SEMA3A: variants seen among roughly 807,000 people sequenced by gnomAD.
SEMA3A encodes the protein semaphorin 3A.
SEMA3A carries 29 observed loss-of-function variants against 97.9 expected under a neutral mutation model. The observed-to-expected ratio is 0.30, with a 90% CI of 0.22 to 0.40. SEMA3A has a LOEUF of 0.40. Ranked by LOEUF, SEMA3A falls within the 10% of genes least tolerant of loss-of-function variation. The pLI is 1.00. For synonymous variants in SEMA3A, 321 were observed against 323.7 expected (o/e 0.99, Z 0.09); for missense variants, 763 against 951.3 (o/e 0.80, Z 2.60).
At chr7:84,479,738 G>C in intron 1 of SEMA3A, among the ~76,000 whole-genome samples, 1 of 151,946 alleles carries the variant, frequency 6.6e-6, no homozygotes, top group East Asian at 1.9e-4. Flanking sequence ...GTGAATATAC[G>C]TCAATGACAC....
intron 3 of SEMA3A, among the ~76,000 whole-genome samples, chr7:84,305,460 T>TTA (rs112647477): frequency 0.018 from 2,693 of 152,098 alleles, 82 homozygotes; most frequent in African/African-American, 0.062. Context: ...GCTAAATATT[T>TTA]TGAGTTTTCA....
At chr7:84,378,839 G>GT (rs1272381257) in intron 1 of SEMA3A, among the ~76,000 whole-genome samples, 2 of 151,214 alleles carry the variant, frequency 1.3e-5, no homozygotes, top group Non-Finnish European at 3.0e-5. Flanking sequence ...TTTATTATTT[G>GT]TTTTTTTCTG....
At chr7:84,418,664 TG>T (rs1475890414) in intron 1 of SEMA3A, among the ~76,000 whole-genome samples, 1 of 152,058 alleles carries the variant, frequency 6.6e-6, no homozygotes, top group Non-Finnish European at 1.5e-5. Context: ...CATCATACTC[TG>T]GGTTCTTAAG....
chr7:84,199,957 G>A (rs1327073087), upstream of SEMA3A, among the ~76,000 whole-genome samples: 1 of 152,056 alleles, frequency 6.6e-6, no homozygotes, highest in South Asian at 2.1e-4. Context: ...AATGCTTTCA[G>A]TATAAGCAAC....
intron 2 of SEMA3A, among the ~76,000 whole-genome samples, chr7:84,336,619 A>G (rs1351243516): frequency 6.6e-6 from 1 of 152,118 alleles, no homozygotes; most frequent in Non-Finnish European, 1.5e-5. Context: ...AGCCTGTGGG[A>G]GAAATGTGCT....
At chr7:84,334,907 C>G (rs1051524127) in intron 2 of SEMA3A, among the ~76,000 whole-genome samples, 1 of 149,276 alleles carries the variant, frequency 6.7e-6, no homozygotes, top group Non-Finnish European at 1.5e-5. Flanking sequence ...TCTACTTAGA[C>G]TACCCCCTCA....
chr7:84,196,883 C>T (rs146741910), upstream of SEMA3A, among the ~76,000 whole-genome samples: 557 of 151,942 alleles, frequency 3.7e-3, 3 homozygotes, highest in Middle Eastern at 0.031. Context: ...TATATTTTTA[C>T]TCTTGTTTTC....
chr7:84,282,236 TA>T (rs994348221), intron 3 of SEMA3A, among the ~76,000 whole-genome samples: 6 of 151,954 alleles, frequency 3.9e-5, no homozygotes, highest in South Asian at 4.1e-4. Flanking sequence ...GGTTTACAGT[TA>T]AAAAAAACAT....
chr7:84,274,319 C>T (rs1447976470), intron 3 of SEMA3A, among the ~76,000 whole-genome samples: 1 of 152,026 alleles, frequency 6.6e-6, no homozygotes, highest in Non-Finnish European at 1.5e-5. Flanking sequence ...GGTCAGTAAA[C>T]AATCCACCGT....
chr7:84,014,794 G>A (rs936562347), intron 6 of SEMA3A, among the ~76,000 whole-genome samples: 15 of 152,164 alleles, frequency 9.9e-5, no homozygotes, highest in South Asian at 6.2e-4. Flanking sequence ...AGTGAAATCC[G>A]TATAAAACAA....
intron 3 of SEMA3A, among the ~76,000 whole-genome samples, chr7:84,306,146 T>G (rs1801148062): frequency 3.3e-5 from 5 of 151,784 alleles, no homozygotes. Context: ...ATCAGTAAAT[T>G]TTTGCCTTAT....
chr7:84,120,089 CCTTA>C (rs1317553146), intron 3 of SEMA3A, among the ~76,000 whole-genome samples: 1 of 129,594 alleles, frequency 7.7e-6, no homozygotes, highest in Non-Finnish European at 1.6e-5. Context: ...CAAATGCTAG[CCTTA>C]CTTTACCAAA....
intron 4 of SEMA3A, among the ~76,000 whole-genome samples, chr7:84,094,715 C>T (rs1794703110): frequency 6.6e-6 from 1 of 152,080 alleles, no homozygotes; most frequent in Admixed American, 6.6e-5. Context: ...AACTAAAACA[C>T]ACTTTGCAAC....
At chr7:84,449,626 G>A (rs1218799212) in intron 1 of SEMA3A, among the ~76,000 whole-genome samples, 5 of 152,028 alleles carry the variant, frequency 3.3e-5, no homozygotes, top group South Asian at 2.1e-4. Flanking sequence ...CCAGTAAATT[G>A]CCTCACACAA....
chr7:84,362,004 G>A (rs903513371), intron 2 of SEMA3A, among the ~76,000 whole-genome samples: 4 of 151,930 alleles, frequency 2.6e-5, no homozygotes, highest in African/African-American at 9.7e-5. Flanking sequence ...ATTACTCTAA[G>A]TATAGATATT....
At chr7:84,109,828 C>T (rs1795222966) in intron 4 of SEMA3A, among the ~76,000 whole-genome samples, 1 of 152,156 alleles carries the variant, frequency 6.6e-6, no homozygotes, top group Non-Finnish European at 1.5e-5. Context: ...GCCAAATTCA[C>T]CAAACTGCTT....
intron 1 of SEMA3A, among the ~76,000 whole-genome samples, chr7:84,192,341 C>T (rs965407806): frequency 1.3e-5 from 2 of 151,822 alleles, no homozygotes; most frequent in Non-Finnish European, 2.9e-5. Context: ...AATAAAATAA[C>T]AGAAAAAAAT....
chr7:84,093,588 T>C (rs1794659528), intron 4 of SEMA3A, among the ~76,000 whole-genome samples: 1 of 152,036 alleles, frequency 6.6e-6, no homozygotes, highest in Non-Finnish European at 1.5e-5. Context: ...ATGTAGTATA[T>C]ATATACATTA....
chr7:84,485,540 T>A (rs1806552818), intron 1 of SEMA3A, among the ~76,000 whole-genome samples: 1 of 151,918 alleles, frequency 6.6e-6, no homozygotes, highest in African/African-American at 2.4e-5. Context: ...ACTCCTAATA[T>A]TTATATTTGC....
Sources: gnomAD v4.1 joint callset for allele counts (sites outside exome capture counted in the v4.1 genomes callset) on GRCh38, gnomAD v4.1.1 for gene constraint, MANE v1.5 for transcripts, NCBI Gene and HGNC (gene_info 2026-07-23, HGNC 2026-07-21) for gene names.